Variants in GCNT1 observed in about 807,000 individuals in gnomAD.
GCNT1 encodes glucosaminyl (N-acetyl) transferase 1.
A neutral mutation model predicts 26.2 loss-of-function variants in GCNT1; 16 were observed. That is an observed-to-expected ratio of 0.61 (90% CI 0.41 to 0.93). The LOEUF (loss-of-function observed/expected upper bound fraction) is 0.93. Among genes scored for constraint, GCNT1 ranks in the 40% least tolerant of loss-of-function variants. GCNT1 has a pLI of 0.00. For synonymous variants in GCNT1, 183 were observed against 190.8 expected (o/e 0.96, Z 0.34); for missense variants, 477 against 526.7 (o/e 0.91, Z 0.92).
chr9:76,464,716 T>C (rs1823956655), intron 2 of GCNT1, among the ~76,000 whole-genome samples: 1 of 152,186 alleles, frequency 6.6e-6, no homozygotes, highest in South Asian at 2.1e-4. Flanking sequence ...TGACTAGAAG[T>C]AGTTTTATTT....
At chr9:76,394,823 G>A in the GCNT1 span, among the ~76,000 whole-genome samples, 17 of 152,176 alleles carry the variant, frequency 1.1e-4, no homozygotes, top group Non-Finnish European at 2.2e-4. Flanking sequence ...TGGGTTGAAC[G>A]TCAGGCATCG....
the GCNT1 span, chr9:76,398,878 G>C: frequency 1.6e-5 from 24 of 1,529,180 alleles, no homozygotes; most frequent in Admixed American, 6.7e-5. Context: ...AGCTTCTGCT[G>C]GCAGCTAGTG....
intron 2 of GCNT1, among the ~76,000 whole-genome samples, chr9:76,465,161 T>A (rs1371265793): frequency 6.6e-6 from 1 of 151,606 alleles, no homozygotes; most frequent in Non-Finnish European, 1.5e-5. Context: ...TTGAGTTTTT[T>A]TTTTTTTATT....
intron 2 of GCNT1, among the ~76,000 whole-genome samples, chr9:76,461,515 G>A (rs1405851544): frequency 3.3e-5 from 5 of 151,542 alleles, no homozygotes; most frequent in Admixed American, 1.3e-4. Context: ...CCCGGGAGGC[G>A]GAGGTTGCAG....
At chr9:76,403,820 G>A in the GCNT1 span, among the ~76,000 whole-genome samples, 1 of 152,188 alleles carries the variant, frequency 6.6e-6, no homozygotes, top group Admixed American at 6.5e-5. Flanking sequence ...GAGGAGAAGA[G>A]CACCTAGAAT....
chr9:76,415,905 G>T (rs1271274505), upstream of GCNT1, among the ~76,000 whole-genome samples: 2 of 152,090 alleles, frequency 1.3e-5, no homozygotes, highest in Non-Finnish European at 2.9e-5. Flanking sequence ...TGCCAAGATT[G>T]CTCTCATGCT....
chr9:76,456,897 AG>A (rs1473665150), upstream of GCNT1, among the ~76,000 whole-genome samples: 1 of 152,212 alleles, frequency 6.6e-6, no homozygotes. Flanking sequence ...TCACCTGAGC[AG>A]GGGTAAGTTG....
At chr9:76,499,155 T>C (rs992092734) in intron 2 of GCNT1, among the ~76,000 whole-genome samples, 9 of 151,932 alleles carry the variant, frequency 5.9e-5, no homozygotes, top group Admixed American at 2.0e-4. Context: ...TGAGATGGAG[T>C]CTTGCTCTAT....
intron 2 of GCNT1, among the ~76,000 whole-genome samples, chr9:76,481,743 C>T (rs11144922): frequency 0.25 from 37,470 of 152,008 alleles, 4,858 homozygotes; most frequent in East Asian, 0.32. Context: ...TGAAAGTTAA[C>T]AAGCCTGTTA....
At chr9:76,446,417 T>C (rs1823578623) in intron 1 of GCNT1, among the ~76,000 whole-genome samples, 1 of 152,204 alleles carries the variant, frequency 6.6e-6, no homozygotes, top group Admixed American at 6.5e-5. Flanking sequence ...TCTTAGAGTT[T>C]AAATTCTCCT....
chr9:76,499,443 C>T (rs10116826), intron 2 of GCNT1, among the ~76,000 whole-genome samples: 2,295 of 152,164 alleles, frequency 0.015, 55 homozygotes, highest in African/African-American at 0.052. Context: ...ACTTTCTGCG[C>T]GTTGAATATG....
At chr9:76,495,447 G>A (rs892857913) in intron 2 of GCNT1, among the ~76,000 whole-genome samples, 10 of 152,212 alleles carry the variant, frequency 6.6e-5, no homozygotes, top group African/African-American at 2.4e-4. Context: ...AAAGAACAGA[G>A]CTTCCACAGC....
upstream of GCNT1, among the ~76,000 whole-genome samples, chr9:76,418,589 A>G (rs1460568351): frequency 5.3e-5 from 8 of 152,222 alleles, no homozygotes; most frequent in Admixed American, 5.2e-4. Context: ...AAGGCATACA[A>G]AATTTATTTA....
intron 2 of GCNT1, among the ~76,000 whole-genome samples, chr9:76,488,987 G>C (rs181909756): frequency 6.8e-6 from 1 of 146,192 alleles, no homozygotes. Flanking sequence ...TCAAGAATTC[G>C]GTGAAGACTG....
the GCNT1 span, chr9:76,398,903 G>A: frequency 2.6e-6 from 4 of 1,546,704 alleles, no homozygotes; most frequent in Non-Finnish European, 3.5e-6. Flanking sequence ...TGTTGCCATT[G>A]AAAACCCTGC....
chr9:76,424,324 GA>G (rs1345713815), intron 1 of GCNT1, among the ~76,000 whole-genome samples: 7 of 152,112 alleles, frequency 4.6e-5, no homozygotes, highest in Non-Finnish European at 7.4e-5. Flanking sequence ...TGAACTAGGG[GA>G]AAAAAAGTTG....
At chr9:76,434,161 C>A (rs1403821778) in intron 1 of GCNT1, among the ~76,000 whole-genome samples, 1 of 152,146 alleles carries the variant, frequency 6.6e-6, no homozygotes, top group Non-Finnish European at 1.5e-5. Context: ...ATAGCACTTA[C>A]AGGGTTCAGT....
At chr9:76,474,680 AATGGATTTTTGTTTTTGGGAAATT>A (rs1175709837) in intron 2 of GCNT1, among the ~76,000 whole-genome samples, 2 of 152,198 alleles carry the variant, frequency 1.3e-5, no homozygotes, top group African/African-American at 4.8e-5. Context: ...TTAGATTGTC[AATGGATTTTTGTTTTTGGGAAATT>A]ATATGCTTTG....
At chr9:76,497,922 C>T (rs1824955365) in intron 2 of GCNT1, among the ~76,000 whole-genome samples, 1 of 152,184 alleles carries the variant, frequency 6.6e-6, no homozygotes, top group Non-Finnish European at 1.5e-5. Context: ...CAAAGTTCTA[C>T]ATCAATCTCT....
Sources: gnomAD v4.1 joint callset for allele counts (sites outside exome capture counted in the v4.1 genomes callset) on GRCh38, gnomAD v4.1.1 for gene constraint, MANE v1.5 for transcripts, NCBI Gene and HGNC (gene_info 2026-07-23, HGNC 2026-07-21) for gene names.